CSMD3: variants seen among roughly 807,000 people sequenced by gnomAD.
The protein encoded by CSMD3 is CUB and sushi domain-containing protein 3.
In CSMD3, 177 loss-of-function variants were observed where a neutral mutation model predicts 435.2. The observed-to-expected ratio is 0.41, with a 90% confidence interval of 0.36 to 0.46. CSMD3 has a LOEUF of 0.46. CSMD3 is among the 20% of genes least tolerant of loss of function. CSMD3 has a pLI of 0.34. For synonymous variants in CSMD3, 1,656 were observed against 1,520.5 expected, an observed-to-expected ratio of 1.09 and a Z score of -2.07; for missense variants, 4,265 against 4,504.6, an observed-to-expected ratio of 0.95 and a Z score of 1.52.
chr8:112,845,774 AC>A (rs2132551466), intron 11 of CSMD3, among the ~76,000 whole-genome samples: 1 of 152,236 alleles, frequency 6.6e-6, no homozygotes, highest in East Asian at 1.9e-4. Flanking sequence ...AATAATGGAA[AC>A]CTGAGTGAGA....
chr8:113,094,895 C>A lies in CSMD3; in HGVS notation c.917+3861G>T, dbSNP rs186178469. On this transcript the variant is annotated intron_variant, in intron 5 of 70. Coordinates refer to ENST00000297405, the MANE Select transcript of CSMD3 (RefSeq NM_198123.2). ...GACCACCCTGGCTAACACAGTGAAACCCCGTCTCTACTAAAAATACAAAAA... is the reference window on the plus strand; with the variant it reads ...GACCACCCTGGCTAACACAGTGAAAACCCGTCTCTACTAAAAATACAAAAA... Among the ~76,000 whole-genome samples the A allele has an allele frequency of 2.2e-3, 330 of 152,076 alleles. 1 individual carries two copies. Among genetic ancestry groups the A allele is most frequent in the African/African-American group, 7.6e-3 (316 of 41,506 alleles).
intron 12 of CSMD3, among the ~76,000 whole-genome samples, chr8:112,805,101 A>G (rs1563978003): frequency 1.3e-5 from 2 of 152,030 alleles, no homozygotes; most frequent in Admixed American, 6.6e-5. Context: ...AGGGCCTCAT[A>G]TTGGGAATAG....
intron 1 of CSMD3, among the ~76,000 whole-genome samples, chr8:113,368,021 C>T (rs181801797): frequency 6.6e-6 from 1 of 152,208 alleles, no homozygotes; most frequent in Admixed American, 6.5e-5. Flanking sequence ...CTACTGACTG[C>T]ATCATTATTT....
chr8:112,683,207 T>C (rs932825525), intron 15 of CSMD3, among the ~76,000 whole-genome samples: 2 of 152,036 alleles, frequency 1.3e-5, no homozygotes, highest in African/African-American at 4.8e-5. Flanking sequence ...GCAATTACCA[T>C]GTTCCAAGCA....
intron 70 of CSMD3, among the ~76,000 whole-genome samples, chr8:112,226,169 T>C (rs1228451272): frequency 6.6e-6 from 1 of 152,180 alleles, no homozygotes; most frequent in Admixed American, 6.6e-5. Context: ...TCTACGATAA[T>C]AATTGTAAAA....
chr8:112,909,726 C>T (rs901807992), intron 10 of CSMD3, among the ~76,000 whole-genome samples: 3 of 151,770 alleles, frequency 2.0e-5, no homozygotes, highest in African/African-American at 7.3e-5. Context: ...TCATTTAGTT[C>T]TGACCTCATT....
At chr8:112,419,149 G>C (rs1295837049) in intron 32 of CSMD3, among the ~76,000 whole-genome samples, 8 of 152,096 alleles carry the variant, frequency 5.3e-5, no homozygotes, top group Non-Finnish European at 1.2e-4. Context: ...CTACATATCA[G>C]TTAGATTCCA....
At chr8:113,343,079 G>A (rs62521102) in intron 1 of CSMD3, among the ~76,000 whole-genome samples, 45,886 of 151,864 alleles carry the variant, frequency 0.3, 8,017 homozygotes, top group East Asian at 0.69. Flanking sequence ...AAAGGAGAAG[G>A]AGGAGACTGA....
intron 51 of CSMD3, 81 bp from the exon 52 acceptor site, chr8:112,304,996 C>T (rs1390780042): frequency 4.0e-6 from 4 of 991,352 alleles, no homozygotes; most frequent in African/African-American, 3.2e-5. Context: ...CTCCACTGAC[C>T]TAATTCACTT....
At chr8:113,423,827 C>A (rs2094621327) in intron 1 of CSMD3, among the ~76,000 whole-genome samples, 1 of 151,742 alleles carries the variant, frequency 6.6e-6, no homozygotes, top group Non-Finnish European at 1.5e-5. Context: ...GCATGTTACT[C>A]AAAGCCATTT....
intron 41 of CSMD3, among the ~76,000 whole-genome samples, chr8:112,344,563 A>G (rs1344345778): frequency 1.3e-5 from 2 of 152,308 alleles, no homozygotes; most frequent in South Asian, 2.1e-4. Context: ...GTGACATAGT[A>G]CAGAATTTCC....
At chr8:112,455,595 A>G (rs137868880) in intron 32 of CSMD3, among the ~76,000 whole-genome samples, 17 of 3,024 alleles carry the variant, frequency 5.6e-3, no homozygotes, top group South Asian at 0.032. Flanking sequence ...AAGTAAGTAA[A>G]TAAATAAATA....
intron 3 of CSMD3, among the ~76,000 whole-genome samples, chr8:113,180,015 T>C (rs893089800): frequency 1.9e-4 from 29 of 151,904 alleles, no homozygotes; most frequent in Admixed American, 1.8e-3. Context: ...GACTACAGAA[T>C]TGCATAATTA....
At chr8:112,546,464 G>A (rs983797877) in intron 27 of CSMD3, among the ~76,000 whole-genome samples, 2 of 152,130 alleles carry the variant, frequency 1.3e-5, no homozygotes, top group African/African-American at 4.8e-5. Context: ...ACCTCTCATG[G>A]CTAAGGGATA....
chr8:112,666,524 T>C, intron 16 of CSMD3, 109 bp from the exon 17 acceptor site: 2 of 891,506 alleles, frequency 2.2e-6, no homozygotes, highest in African/African-American at 1.7e-5. Flanking sequence ...CCTTATTAAA[T>C]AGTTAATACT....
At chr8:112,611,175 G>A (rs1833228391) in intron 22 of CSMD3, among the ~76,000 whole-genome samples, 1 of 152,168 alleles carries the variant, frequency 6.6e-6, no homozygotes, top group African/African-American at 2.4e-5. Context: ...GAATGACTGA[G>A]AAATGCCACG....
chr8:112,693,935 AGTTTACTAATTCACT>A (rs2076195011), intron 13 of CSMD3, among the ~76,000 whole-genome samples: 1 of 151,670 alleles, frequency 6.6e-6, no homozygotes, highest in Non-Finnish European at 1.5e-5. Flanking sequence ...TATAAATTTC[AGTTTACTAATTCACT>A]GTTTAGTTTT....
chr8:113,284,627 G>T (rs2093633465), intron 2 of CSMD3, among the ~76,000 whole-genome samples: 1 of 152,032 alleles, frequency 6.6e-6, no homozygotes, highest in South Asian at 2.1e-4. Context: ...TTTAAAATGT[G>T]AGCTATAAAT....
chr8:113,234,996 T>G (rs893316713), intron 3 of CSMD3, among the ~76,000 whole-genome samples: 15 of 152,028 alleles, frequency 9.9e-5, no homozygotes, highest in Admixed American at 4.6e-4. Context: ...AGAGAATGTA[T>G]AAATGGGGTG....
Sources: gnomAD v4.1 joint callset for allele counts (sites outside exome capture counted in the v4.1 genomes callset) on GRCh38, gnomAD v4.1.1 for gene constraint, MANE v1.5 for transcripts, NCBI Gene and HGNC (gene_info 2026-07-23, HGNC 2026-07-21) for gene names.